The following RALYL variants were observed in gnomAD, a reference collection of about 807,000 sequenced individuals.
The protein encoded by RALYL is RALY RNA binding protein like, also known as RNA-binding Raly-like protein.
Under a neutral mutation model 35.1 loss-of-function variants are expected in RALYL, and 29 were observed. That is an observed-to-expected ratio of 0.83 (90% CI 0.61 to 1.13). The LOEUF is 1.13. RALYL is among the 50% of genes most tolerant of loss of function. The pLI, the probability that RALYL is intolerant of heterozygous loss-of-function variation, is 0.00. For missense variants in RALYL, 359 were observed against 360.4 expected (o/e 1.00, Z 0.03); for synonymous variants, 120 against 127.6 (o/e 0.94, Z 0.40).
intron 1 of RALYL, among the ~76,000 whole-genome samples, chr8:84,366,389 T>C (rs1469707649): frequency 6.6e-6 from 1 of 152,114 alleles, no homozygotes; most frequent in Non-Finnish European, 1.5e-5. Context: ...GTTAGAAAGA[T>C]AATATAAGCA....
intron 8 of RALYL, among the ~76,000 whole-genome samples, chr8:84,892,779 T>C (rs1359102115): frequency 6.6e-6 from 1 of 152,066 alleles, no homozygotes; most frequent in Non-Finnish European, 1.5e-5. Context: ...GCTCGGACTT[T>C]ATAATTTATA....
chr8:84,861,878 C>T (rs1002010157), intron 5 of RALYL, among the ~76,000 whole-genome samples: 2 of 152,132 alleles, frequency 1.3e-5, no homozygotes, highest in African/African-American at 4.8e-5. Context: ...AGATCTTTTC[C>T]TCTTTTAAAC....
At chr8:84,209,438 C>T (rs1015229636) in intron 1 of RALYL, among the ~76,000 whole-genome samples, 18 of 152,160 alleles carry the variant, frequency 1.2e-4, no homozygotes, top group African/African-American at 4.1e-4. Context: ...ACTCTAAAAG[C>T]TTCCTTTTGT....
At chr8:84,188,112 T>C (rs1812970058) in intron 1 of RALYL, among the ~76,000 whole-genome samples, 1 of 152,090 alleles carries the variant, frequency 6.6e-6, no homozygotes, top group African/African-American at 2.4e-5. Flanking sequence ...TTATTTTTTC[T>C]TTCCAACTTT....
intron 2 of RALYL, among the ~76,000 whole-genome samples, chr8:84,559,440 T>G (rs556077166): frequency 3.0e-4 from 46 of 152,172 alleles, no homozygotes; most frequent in African/African-American, 1.0e-3. Flanking sequence ...TGTTTATATA[T>G]TTTTTAATTT....
chr8:84,278,783 C>A (rs1213268315), intron 1 of RALYL, among the ~76,000 whole-genome samples: 1 of 152,166 alleles, frequency 6.6e-6, no homozygotes, highest in Non-Finnish European at 1.5e-5. Flanking sequence ...ACTTCATTGT[C>A]CATATCACTA....
At chr8:84,895,011 T>C (rs1224972552) in intron 8 of RALYL, among the ~76,000 whole-genome samples, 1 of 152,180 alleles carries the variant, frequency 6.6e-6, no homozygotes, top group East Asian at 1.9e-4. Flanking sequence ...AATATGTGTC[T>C]GGCTCACAAT....
At chr8:84,558,193 C>T (rs1156899363) in intron 2 of RALYL, among the ~76,000 whole-genome samples, 3 of 152,026 alleles carry the variant, frequency 2.0e-5, no homozygotes, top group Non-Finnish European at 4.4e-5. Context: ...TTGTACTTTT[C>T]CTTAATAAGG....
chr8:84,423,222 T>A (rs2045892671), intron 1 of RALYL, among the ~76,000 whole-genome samples: 2 of 151,778 alleles, frequency 1.3e-5, no homozygotes, highest in East Asian at 3.9e-4. Flanking sequence ...GCTTTATGAA[T>A]CTGGGTGCTC....
chr8:84,601,157 A>G (rs944545188), intron 2 of RALYL, among the ~76,000 whole-genome samples: 2 of 152,136 alleles, frequency 1.3e-5, no homozygotes, highest in Admixed American at 6.6e-5. Context: ...TGCCACTTAT[A>G]TCTTAGTACT....
chr8:84,619,617 T>C (rs1386746641), intron 2 of RALYL, among the ~76,000 whole-genome samples: 1 of 149,802 alleles, frequency 6.7e-6, no homozygotes, highest in Admixed American at 6.6e-5. Context: ...TTGTTATGTG[T>C]GAATTTGATC....
rs72306371 is a variant in RALYL, at chr8:84,398,307, CT to C, written c.-23-130982del. Among the ~76,000 whole-genome samples the C allele has an allele frequency of 5.9e-3, 871 of 148,056 alleles. 11 individuals carry two copies. The highest frequency in any genetic ancestry group is 0.019 in the African/African-American group (780 of 40,632). On this transcript the variant is annotated intron_variant, in intron 1 of 8. Transcript: ENST00000521268. The stretch of plus-strand genomic sequence containing the variant: ...TTTTTGGTTTTACAAGGTAAAGTTT[CT>C]TTTTTTTTTATCCTTGCCAATACAT...
At chr8:84,457,641 T>C (rs867048560) in intron 1 of RALYL, among the ~76,000 whole-genome samples, 24 of 152,012 alleles carry the variant, frequency 1.6e-4, no homozygotes, top group African/African-American at 5.5e-4. Context: ...CATTCTCTAA[T>C]ATCTTACGCC....
rs1811760924 is a variant in RALYL at position 84,183,579 on chromosome 8, G to T, written c.-869G>T. On this transcript the variant is annotated 5_prime_UTR_variant, in exon 1 of 9. Coordinates refer to ENST00000521268, the MANE Select transcript of RALYL (RefSeq NM_173848.7). ...TATTCCAACATTTTACTCCCGCTCG[G>T]TGAGTACCTTCTCAGTGGCATTCTT... The T allele has an allele frequency of 6.6e-6, 1 of 151,926 alleles. No individual in the cohort carries two copies. The highest frequency in any genetic ancestry group is 1.5e-5 in the Non-Finnish European group (1 of 67,992). 9.4% of individuals were successfully genotyped at this position (151,926 alleles called of 1,614,324 possible).
chr8:84,197,494 A>G (rs1815616888), intron 1 of RALYL, among the ~76,000 whole-genome samples: 1 of 152,248 alleles, frequency 6.6e-6, no homozygotes, highest in African/African-American at 2.4e-5. Flanking sequence ...TAATAAAGAT[A>G]TTAACAACCA....
At chr8:84,631,394 A>G (rs1370400082) in intron 2 of RALYL, among the ~76,000 whole-genome samples, 5 of 151,998 alleles carry the variant, frequency 3.3e-5, no homozygotes, top group Admixed American at 2.6e-4. Flanking sequence ...TTGAAGAAGT[A>G]TTAATCTCTG....
chr8:84,738,381 C>T (rs1406947207), intron 2 of RALYL, among the ~76,000 whole-genome samples: 2 of 151,978 alleles, frequency 1.3e-5, no homozygotes, highest in Admixed American at 6.6e-5. Context: ...CATAGAACCA[C>T]GCTATGATCA....
At chr8:84,517,680 T>C (rs1317781053) in intron 1 of RALYL, among the ~76,000 whole-genome samples, 1 of 152,164 alleles carries the variant, frequency 6.6e-6, no homozygotes, top group South Asian at 2.1e-4. Flanking sequence ...AAAAGGGAGA[T>C]GTAAAACGTC....
At chr8:84,504,500 A>G (rs1021329809) in intron 1 of RALYL, among the ~76,000 whole-genome samples, 9 of 152,194 alleles carry the variant, frequency 5.9e-5, no homozygotes, top group African/African-American at 1.9e-4. Context: ...TAAAAGGCCA[A>G]CATATTAATA....
Sources: allele counts gnomAD v4.1 joint callset (sites outside exome capture counted in the v4.1 genomes callset), GRCh38; gene constraint gnomAD v4.1.1; transcripts MANE v1.5; gene names NCBI Gene and HGNC (gene_info 2026-07-23, HGNC 2026-07-21).